The following RGS17 variants were observed in gnomAD, a reference collection of about 807,000 sequenced individuals.
RGS17 encodes regulator of G protein signaling 17, also known as regulator of G-protein signaling 17.
RGS17 carries 12 observed loss-of-function variants against 25.5 expected under a neutral mutation model. The observed-to-expected ratio is 0.47, with a 90% confidence interval of 0.30 to 0.76. RGS17 has a LOEUF of 0.76. Ranked by LOEUF, RGS17 falls within the 30% of genes least tolerant of loss-of-function variation. RGS17 has a pLI of 0.07. For missense variants in RGS17, 196 were observed against 242.2 expected, an observed-to-expected ratio of 0.81 and a Z score of 1.27; for synonymous variants, 71 against 76.9, an observed-to-expected ratio of 0.92 and a Z score of 0.40.
intron 1 of RGS17, among the ~76,000 whole-genome samples, chr6:153,090,594 T>C (rs1399927070): frequency 5.3e-5 from 8 of 151,374 alleles, no homozygotes; most frequent in Non-Finnish European, 4.4e-5. Flanking sequence ...GCCACTACAC[T>C]CCAGCCTGGG....
intron 1 of RGS17, among the ~76,000 whole-genome samples, chr6:153,122,320 T>A (rs1777644320): frequency 6.6e-6 from 1 of 152,144 alleles, no homozygotes; most frequent in Non-Finnish European, 1.5e-5. Context: ...TTGGAGACAA[T>A]TCCAGTGTGG....
chr6:153,055,282 C>T (rs7750497), intron 1 of RGS17, among the ~76,000 whole-genome samples: 58,213 of 151,710 alleles, frequency 0.38, 11,842 homozygotes, highest in East Asian at 0.62. Flanking sequence ...TGTTTTTTTT[C>T]CCTTGAGTTC....
At chr6:153,035,730 A>G (rs1776231861) in intron 2 of RGS17, among the ~76,000 whole-genome samples, 1 of 152,192 alleles carries the variant, frequency 6.6e-6, no homozygotes, top group Non-Finnish European at 1.5e-5. Flanking sequence ...AAAATGAATA[A>G]TTTGCTTTGA....
chr6:153,108,436 T>C (rs1777417014), intron 1 of RGS17, among the ~76,000 whole-genome samples: 1 of 152,048 alleles, frequency 6.6e-6, no homozygotes, highest in Admixed American at 6.5e-5. Context: ...GGGATGAAGA[T>C]GAAACAGGCA....
intron 1 of RGS17, among the ~76,000 whole-genome samples, chr6:153,095,275 T>C (rs1466144512): frequency 6.6e-6 from 1 of 152,148 alleles, no homozygotes; most frequent in Non-Finnish European, 1.5e-5. Context: ...TTGAAGATAG[T>C]CTATTAAAAC....
intron 4 of RGS17, among the ~76,000 whole-genome samples, chr6:153,020,300 C>A (rs1201498621): frequency 6.7e-6 from 1 of 149,958 alleles, no homozygotes; most frequent in African/African-American, 2.4e-5. Context: ...ATTACAGGTG[C>A]CCGCCACCAC....
intron 1 of RGS17, among the ~76,000 whole-genome samples, chr6:153,092,903 G>A (rs1399447501): frequency 6.6e-6 from 1 of 152,090 alleles, no homozygotes; most frequent in East Asian, 1.9e-4. Flanking sequence ...ACCAGTGAAA[G>A]GTGGGGGGAA....
chr6:153,027,357 C>T (rs961261966), intron 2 of RGS17, among the ~76,000 whole-genome samples: 3 of 152,108 alleles, frequency 2.0e-5, no homozygotes, highest in East Asian at 1.9e-4. Flanking sequence ...CGAAAACTCT[C>T]GGTGTGGACT....
At chr6:153,038,587 G>C (rs887134328) in intron 2 of RGS17, among the ~76,000 whole-genome samples, 3 of 152,242 alleles carry the variant, frequency 2.0e-5, no homozygotes, top group African/African-American at 7.2e-5. Flanking sequence ...CTCTCTGAGG[G>C]TGACAGGCAC....
At chr6:153,116,147 G>C (rs1326146821) in intron 1 of RGS17, among the ~76,000 whole-genome samples, 2 of 152,092 alleles carry the variant, frequency 1.3e-5, no homozygotes, top group African/African-American at 4.8e-5. Flanking sequence ...CCTACAGAAT[G>C]GGGGAAAATT....
intron 1 of RGS17, among the ~76,000 whole-genome samples, chr6:153,052,329 T>C (rs1006369194): frequency 3.9e-4 from 59 of 152,282 alleles, no homozygotes; most frequent in African/African-American, 1.3e-3. Flanking sequence ...CCCTGAGATA[T>C]GGAGTTTGAC....
chr6:153,058,389 G>A (rs1776591742), intron 1 of RGS17, among the ~76,000 whole-genome samples: 1 of 152,176 alleles, frequency 6.6e-6, no homozygotes, highest in Non-Finnish European at 1.5e-5. Flanking sequence ...TAGTCAGTGA[G>A]GAAGAAAGAC....
chr6:153,106,956 C>A (rs141556989), intron 1 of RGS17, among the ~76,000 whole-genome samples: 106 of 152,060 alleles, frequency 7.0e-4, no homozygotes, highest in Non-Finnish European at 1.3e-3. Context: ...CTCTGTCATA[C>A]TAGGATTCAC....
intron 1 of RGS17, among the ~76,000 whole-genome samples, chr6:153,128,346 T>G (rs943255790): frequency 6.6e-6 from 1 of 152,236 alleles, no homozygotes; most frequent in African/African-American, 2.4e-5. Flanking sequence ...CAGTGTTAAG[T>G]AAGCAGAGTT....
chr6:153,047,971 T>C (rs979863732), intron 1 of RGS17, among the ~76,000 whole-genome samples: 2 of 152,206 alleles, frequency 1.3e-5, no homozygotes, highest in African/African-American at 4.8e-5. Context: ...CTTTCAAATT[T>C]TGAATGGCCA....
At chr6:153,013,319 CTT>C (rs1444690573) in intron 4 of RGS17, among the ~76,000 whole-genome samples, 1 of 152,178 alleles carries the variant, frequency 6.6e-6, no homozygotes, top group African/African-American at 2.4e-5. Flanking sequence ...CCATATAAGA[CTT>C]AATTAATTCT....
At chr6:153,015,560 G>A (rs1002578975) in intron 4 of RGS17, among the ~76,000 whole-genome samples, 4 of 152,010 alleles carry the variant, frequency 2.6e-5, no homozygotes, top group Admixed American at 6.5e-5. Context: ...TTATCAATAA[G>A]GTATTTTAAA....
chr6:153,058,916 T>A (rs530122979), intron 1 of RGS17, among the ~76,000 whole-genome samples: 2 of 151,512 alleles, frequency 1.3e-5, no homozygotes, highest in Admixed American at 1.3e-4. Context: ...TTTTTCAAAA[T>A]CGCCATTTTT....
chr6:153,043,856 C>A, intron 2 of RGS17, 44 bp downstream of exon 2: 1 of 1,214,074 alleles, frequency 8.2e-7, no homozygotes, highest in Non-Finnish European at 1.2e-6. Context: ...CACACTAGTG[C>A]CTGCCAAGCC....
Sources: allele counts gnomAD v4.1 joint callset (sites outside exome capture counted in the v4.1 genomes callset), GRCh38; gene constraint gnomAD v4.1.1; transcripts MANE v1.5; gene names NCBI Gene and HGNC (gene_info 2026-07-23, HGNC 2026-07-21).